TTC12: variants seen among roughly 807,000 people sequenced by gnomAD.
TTC12 encodes the protein tetratricopeptide repeat domain 12, also known as tetratricopeptide repeat protein 12.
In TTC12, 70 loss-of-function variants were observed where a neutral mutation model predicts 90.1. The ratio of observed to expected loss-of-function variants is 0.78; its 90% CI spans 0.64 to 0.95. The LOEUF (loss-of-function observed/expected upper bound fraction) is 0.95, where lower values mean the gene tolerates loss of function less well. Among genes scored for constraint, TTC12 ranks in the 40% least tolerant of loss-of-function variants. The probability of loss-of-function intolerance (pLI) is 0.00; values close to 1 mark genes in which losing one functional copy is unlikely to be tolerated. For missense variants in TTC12, 819 were observed against 846.1 expected, an observed-to-expected ratio of 0.97 and a Z score of 0.40; for synonymous variants, 296 against 311.5, an observed-to-expected ratio of 0.95 and a Z score of 0.53.
At chr11:113,352,550 G>A (rs980082579) in intron 16 of TTC12, among the ~76,000 whole-genome samples, 10 of 151,572 alleles carry the variant, frequency 6.6e-5, no homozygotes, top group African/African-American at 1.9e-4. Context: ...AGATTATTTC[G>A]TTACCCAGGT....
At chr11:113,356,142 T>G (rs1235659189) in intron 16 of TTC12, among the ~76,000 whole-genome samples, 3 of 152,236 alleles carry the variant, frequency 2.0e-5, no homozygotes, top group Non-Finnish European at 4.4e-5. Context: ...GCATAAATAT[T>G]TAGGATAGTT....
intron 18 of TTC12, among the ~76,000 whole-genome samples, chr11:113,360,689 T>C (rs1335276934): frequency 6.6e-6 from 1 of 152,150 alleles, no homozygotes; most frequent in African/African-American, 2.4e-5. Flanking sequence ...AGGACCCTAA[T>C]GGCTAGGGAA....
chr11:113,333,564 T>G (rs1948183309), intron 7 of TTC12, among the ~76,000 whole-genome samples: 1 of 152,156 alleles, frequency 6.6e-6, no homozygotes, highest in South Asian at 2.1e-4. Context: ...CTGTGTGACC[T>G]TGGGCCTCTC....
At chr11:113,354,992 C>T (rs1208245995) in intron 16 of TTC12, among the ~76,000 whole-genome samples, 5 of 149,342 alleles carry the variant, frequency 3.3e-5, no homozygotes, top group South Asian at 2.1e-4. Context: ...AGGAAGGAGT[C>T]CCTCTTCCTT....
intron 3 of TTC12, 135 bp from the exon 4 acceptor site, chr11:113,323,859 G>A (rs782723520): frequency 6.1e-6 from 4 of 658,140 alleles, no homozygotes; most frequent in Non-Finnish European, 1.0e-5. Flanking sequence ...CATGAATTCT[G>A]AGCCCTTCAG....
At chr11:113,349,374 G>C (rs1949143058) in intron 13 of TTC12, among the ~76,000 whole-genome samples, 1 of 152,204 alleles carries the variant, frequency 6.6e-6, no homozygotes, top group African/African-American at 2.4e-5. Context: ...CTTAATGCAA[G>C]TTTGCTGGAT....
intron 11 of TTC12, 142 bp downstream of exon 11, chr11:113,340,875 G>A: frequency 1.5e-6 from 1 of 670,674 alleles, no homozygotes; most frequent in Admixed American, 2.4e-5. Context: ...CTCCAGGAGT[G>A]CAAAGCTACT....
At chr11:113,324,749 G>A (rs782141315) in intron 5 of TTC12, 67 bp downstream of exon 5, 2 of 1,405,880 alleles carry the variant, frequency 1.4e-6, no homozygotes, top group African/African-American at 1.4e-5. Context: ...ACGAAGGCCT[G>A]TATGCTGACA....
chr11:113,330,319 C>A (rs998071473), intron 7 of TTC12, among the ~76,000 whole-genome samples: 9 of 152,216 alleles, frequency 5.9e-5, no homozygotes, highest in Admixed American at 2.0e-4. Context: ...GAGCTTATTT[C>A]TGCAATGCTG....
Position 113,338,441 on chromosome 11 carries a change from G to A in TTC12, c.577-333G>A, listed in dbSNP as rs190655204. On this transcript the variant is annotated intron_variant, in intron 8 of 21. Coordinates refer to ENST00000529221, the MANE Select transcript of TTC12 (RefSeq NM_017868.4). ...ATATTTGACAGCCTCCTTTCTCAGT[G>A]CAAATATCATATCTAAGTTTTGCGT... 2.6e-5 allele frequency among the ~76,000 whole-genome samples: 4 copies of A among 152,212 alleles called. No individual in the cohort carries two copies. In the East Asian group the frequency reaches 5.8e-4, roughly 22 times the overall value.
chr11:113,342,011 C>T (rs1393388957), intron 12 of TTC12, 86 bp downstream of exon 12: 8 of 1,190,150 alleles, frequency 6.7e-6, no homozygotes, highest in Non-Finnish European at 1.0e-5. Context: ...CCCCAAAGGC[C>T]AGGCCCTGGA....
chr11:113,324,870 C>T (rs532522116), intron 5 of TTC12, among the ~76,000 whole-genome samples, 188 bp downstream of exon 5: 4 of 152,242 alleles, frequency 2.6e-5, no homozygotes, highest in African/African-American at 9.6e-5. Flanking sequence ...CTGCAACAAG[C>T]AGAGGGTAGG....
intron 5 of TTC12, among the ~76,000 whole-genome samples, 183 bp downstream of exon 5, chr11:113,324,865 A>G (rs1947587223): frequency 6.6e-6 from 1 of 152,142 alleles, no homozygotes; most frequent in African/African-American, 2.4e-5. Flanking sequence ...TCCTGCTGCA[A>G]CAAGCAGAGG....
intron 16 of TTC12, among the ~76,000 whole-genome samples, chr11:113,358,583 A>G (rs187115917): frequency 2.6e-5 from 4 of 152,204 alleles, no homozygotes; most frequent in Admixed American, 2.6e-4. Flanking sequence ...AGGTCTGATG[A>G]TTCCCCGAGG....
intron 18 of TTC12, among the ~76,000 whole-genome samples, chr11:113,361,886 A>G (rs1555155205): frequency 6.6e-6 from 1 of 151,910 alleles, no homozygotes; most frequent in African/African-American, 2.4e-5. Flanking sequence ...AATAGTAACT[A>G]TCATTTGTAT....
In TTC12 at chr11:113,341,577, T is replaced by G. The variant is rs544340955; in HGVS notation, c.897-260T>G. ...ACATGTCTGTGTGCTCAGCCACAGT[T>G]CATTGGTCCCAGTGCAGCCATCGCC... On this transcript the variant is annotated intron_variant, in intron 11 of 21. Coordinates refer to ENST00000529221, the MANE Select transcript of TTC12 (RefSeq NM_017868.4). 1.1e-4 allele frequency: 53 copies of G among 488,838 alleles called. 1 individual carries two copies. The South Asian group carries it at 1.1e-3, about 10-fold the overall frequency. The allele number at this position is 488,838 out of a possible 1,614,324, so 30.3% of individuals were successfully genotyped here.
rs557063239 is a variant in TTC12, at chr11:113,327,855, C to T, written c.445-2065C>T. Reference sequence around the variant, plus strand: ...TTACAGAACAGATAGCTCAAAGAGTCGTCTTCTCTAATTAGTACAGAACAT... The same window carrying T: ...TTACAGAACAGATAGCTCAAAGAGTTGTCTTCTCTAATTAGTACAGAACAT... On this transcript the variant is annotated intron_variant, in intron 6 of 21. Transcript: ENST00000529221. Among the ~76,000 whole-genome samples the T allele has an allele frequency of 1.9e-4, 29 of 152,282 alleles. No homozygotes were observed. In the East Asian group the frequency reaches 3.7e-3, roughly 19 times the overall value.
At chr11:113,319,489 A>G (rs1947158942) in intron 2 of TTC12, among the ~76,000 whole-genome samples, 1 of 152,194 alleles carries the variant, frequency 6.6e-6, no homozygotes, top group African/African-American at 2.4e-5. Flanking sequence ...AAGAAGAGCT[A>G]AATAAATGGA....
intron 13 of TTC12, among the ~76,000 whole-genome samples, chr11:113,346,383 A>C (rs374012980): frequency 3.9e-5 from 6 of 152,292 alleles, no homozygotes; most frequent in African/African-American, 1.4e-4. Flanking sequence ...AAGGAGCTTA[A>C]GCAAAATAAA....
Sources: allele counts gnomAD v4.1 joint callset (sites outside exome capture counted in the v4.1 genomes callset), GRCh38; gene constraint gnomAD v4.1.1; transcripts MANE v1.5; gene names NCBI Gene and HGNC (gene_info 2026-07-23, HGNC 2026-07-21).